Variants in CNTLN observed in about 807,000 individuals in gnomAD.
CNTLN encodes centlein, also known as centlein, centrosomal protein.
In CNTLN, 212 loss-of-function variants were observed where a neutral mutation model predicts 180.0. The observed-to-expected ratio is 1.18, with a 90% CI of 1.05 to 1.32. The LOEUF (loss-of-function observed/expected upper bound fraction) is 1.32, where lower values mean the gene tolerates loss of function less well. CNTLN is among the 40% of genes most tolerant of loss of function. CNTLN has a pLI of 0.00. For missense variants in CNTLN, 2,095 were observed against 1,610.9 expected, an observed-to-expected ratio of 1.30 and a Z score of -5.14; for synonymous variants, 722 against 563.1, an observed-to-expected ratio of 1.28 and a Z score of -3.99.
intron 12 of CNTLN, among the ~76,000 whole-genome samples, chr9:17,364,500 G>C (rs1332090924): frequency 2.0e-5 from 3 of 151,890 alleles, no homozygotes; most frequent in Non-Finnish European, 2.9e-5. Flanking sequence ...ATAAACCCCT[G>C]TTCTTTTTTA....
chr9:17,372,749 A>G (rs1173744371), intron 13 of CNTLN, among the ~76,000 whole-genome samples: 1 of 152,182 alleles, frequency 6.6e-6, no homozygotes, highest in East Asian at 1.9e-4. Flanking sequence ...AGCAAGCTGA[A>G]TTCAACAACA....
rs189206218 is a variant in CNTLN at position 17,312,957 on chromosome 9, C to G, written c.1341+3705C>G. On this transcript the variant is annotated intron_variant, in intron 8 of 25. Transcript: ENST00000380647. ...ACATAATTGTAGATTTTTGTTTCTC[C>G]TTTGAGTTTTCTCAATTTTTGCTTC... 2.1e-3 allele frequency among the ~76,000 whole-genome samples: 312 copies of G among 152,146 alleles called. 1 individual carries two copies. Among genetic ancestry groups the G allele is most frequent in the African/African-American group, 7.2e-3 (299 of 41,524 alleles).
At chr9:17,334,948 G>A (rs987500584) in intron 10 of CNTLN, among the ~76,000 whole-genome samples, 38 of 148,852 alleles carry the variant, frequency 2.6e-4, no homozygotes, top group African/African-American at 9.2e-4. Flanking sequence ...CAATTGGCAA[G>A]CTAGAGAGCC....
intron 2 of CNTLN, among the ~76,000 whole-genome samples, chr9:17,168,923 G>A (rs1345903866): frequency 1.3e-5 from 2 of 152,072 alleles, no homozygotes; most frequent in African/African-American, 4.8e-5. Flanking sequence ...AAATTACAGG[G>A]GCAGGAGTTA....
chr9:17,300,570 A>T (rs921318553), intron 7 of CNTLN: 3 of 152,204 alleles, frequency 2.0e-5, no homozygotes, highest in African/African-American at 7.2e-5. Context: ...GGATTATTGC[A>T]GTAACTTGCC....
In CNTLN at chr9:17,312,371, TATATATATATATAA is replaced by T. The variant is rs1261417129; in HGVS notation, c.1341+3120_1341+3133del. 5.6e-3 allele frequency among the ~76,000 whole-genome samples: 719 copies of T among 127,756 alleles called. 11 individuals carry two copies. The highest frequency in any genetic ancestry group is 0.02 in the African/African-American group (691 of 33,792). 83.8% of individuals were successfully genotyped at this position (127,756 alleles called of 152,430 possible). On this transcript the variant is annotated intron_variant, in intron 8 of 25. Coordinates refer to ENST00000380647, the MANE Select transcript of CNTLN (RefSeq NM_017738.4). ...TATATATATATATATATATTATATA[TATATATATATATAA>T]TTTATTTATTTATTTTTTTGATACA...
intron 13 of CNTLN, among the ~76,000 whole-genome samples, chr9:17,370,768 TATAA>T (rs1167202575): frequency 3.0e-3 from 450 of 152,218 alleles, no homozygotes; most frequent in African/African-American, 0.01. Context: ...TATAATAAGA[TATAA>T]ACAACAAAAA....
intron 6 of CNTLN, among the ~76,000 whole-genome samples, chr9:17,290,486 G>C (rs1273288691): frequency 6.8e-6 from 1 of 146,904 alleles, no homozygotes; most frequent in Non-Finnish European, 1.5e-5. Context: ...TGCCCCCAGA[G>C]GTGGAGCCTA....
chr9:17,154,347 A>T (rs10448195), intron 2 of CNTLN, among the ~76,000 whole-genome samples: 30,082 of 151,972 alleles, frequency 0.2, 3,191 homozygotes, highest in South Asian at 0.31. Flanking sequence ...CTTTGAGTGG[A>T]TGTGCTAATC....
At chr9:17,204,385 TTGTTGA>T (rs1476678782) in intron 2 of CNTLN, among the ~76,000 whole-genome samples, 3 of 152,146 alleles carry the variant, frequency 2.0e-5, no homozygotes, top group African/African-American at 4.8e-5. Flanking sequence ...GGGGTCTTTT[TTGTTGA>T]TGTTGATGTC....
At chr9:17,450,266 A>T (rs1160205238) in intron 18 of CNTLN, among the ~76,000 whole-genome samples, 1 of 152,182 alleles carries the variant, frequency 6.6e-6, no homozygotes, top group Non-Finnish European at 1.5e-5. Context: ...TAATGTGCAC[A>T]CTGGAGCTGG....
At chr9:17,223,370 G>A (rs1210995043) in intron 2 of CNTLN, among the ~76,000 whole-genome samples, 4 of 151,950 alleles carry the variant, frequency 2.6e-5, no homozygotes, top group African/African-American at 9.7e-5. Flanking sequence ...ACTGATTCCA[G>A]ACTTTTTAAT....
intron 18 of CNTLN, among the ~76,000 whole-genome samples, chr9:17,453,787 C>T (rs1470217597): frequency 6.6e-6 from 1 of 152,200 alleles, no homozygotes; most frequent in African/African-American, 2.4e-5. Flanking sequence ...TGAGGCCTCC[C>T]TTAGGTCTTG....
At chr9:17,425,789 A>G (rs1829041888) in intron 18 of CNTLN, among the ~76,000 whole-genome samples, 1 of 152,204 alleles carries the variant, frequency 6.6e-6, no homozygotes, top group Non-Finnish European at 1.5e-5. Flanking sequence ...TGTTTTGTAG[A>G]AGATAGAACT....
rs1230910764 is a variant in CNTLN, at chr9:17,440,522, G to C, written c.3115-17002G>C. On this transcript the variant is annotated intron_variant, in intron 18 of 25. Coordinates refer to ENST00000380647, the MANE Select transcript of CNTLN (RefSeq NM_017738.4). ...GAGAATGGCGTGAACCTGGGAGACG[G>C]AGCTTGAAGTGAGCCGAGATCACAC... Among the ~76,000 whole-genome samples the C allele has an allele frequency of 2.0e-5, 3 of 149,708 alleles. No homozygotes were observed. In the East Asian group the frequency reaches 6.2e-4, roughly 31 times the overall value.
intron 10 of CNTLN, among the ~76,000 whole-genome samples, chr9:17,338,331 A>ATTTTTC (rs1238106698): frequency 3.7e-5 from 1 of 27,340 alleles, no homozygotes; most frequent in African/African-American, 9.9e-5. Context: ...CTCCTGGCTA[A>ATTTTTC]TTTTTGTTTT....
chr9:17,426,093 A>C (rs1829066802), intron 18 of CNTLN, among the ~76,000 whole-genome samples: 1 of 152,220 alleles, frequency 6.6e-6, no homozygotes, highest in Non-Finnish European at 1.5e-5. Flanking sequence ...TCAGGAACAG[A>C]GATTGGATTA....
chr9:17,522,167 A>G, the CNTLN span, among the ~76,000 whole-genome samples: 4 of 152,176 alleles, frequency 2.6e-5, no homozygotes, highest in Admixed American at 1.3e-4. Flanking sequence ...TTAAGGATTA[A>G]GGAGGTAATA....
At position 17,384,290 on chromosome 9, in the gene CNTLN, GA is replaced by G. The variant is rs34297599; in HGVS notation, c.1988-3860del. Among the ~76,000 whole-genome samples, 730 of 148,452 alleles carry G rather than the reference GA, an allele frequency of 4.9e-3. 3 individuals are homozygous for G. The highest frequency in any genetic ancestry group is 0.016 in the African/African-American group (655 of 40,430). ...GGGTGTAATTTACAATAAATAAAAT[GA>G]AAAAAAAAAAACTACTTATCCTTCT... On this transcript the variant is annotated intron_variant, in intron 13 of 25. Coordinates refer to ENST00000380647, the MANE Select transcript of CNTLN (RefSeq NM_017738.4).
Sources: allele counts gnomAD v4.1 joint callset (sites outside exome capture counted in the v4.1 genomes callset), GRCh38; gene constraint gnomAD v4.1.1; transcripts MANE v1.5; gene names NCBI Gene and HGNC (gene_info 2026-07-23, HGNC 2026-07-21).